Variants in VPS28 observed in about 807,000 individuals in gnomAD.
VPS28 encodes VPS28 subunit of ESCRT-I, also known as vacuolar protein sorting-associated protein 28 homolog.
In VPS28, 29 loss-of-function variants were observed where a neutral mutation model predicts 33.7. The observed-to-expected ratio is 0.86, with a 90% CI of 0.64 to 1.17. The LOEUF is 1.17. Among genes scored for constraint, VPS28 ranks in the 50% most tolerant of loss-of-function variants. The pLI, the probability that VPS28 is intolerant of heterozygous loss-of-function variation, is 0.00. For missense variants in VPS28, 247 were observed against 312.2 expected, an observed-to-expected ratio of 0.79 and a Z score of 1.57; for synonymous variants, 164 against 116.7, an observed-to-expected ratio of 1.40 and a Z score of -2.61.
intron 1 of VPS28, among the ~76,000 whole-genome samples, chr8:144,428,228 G>A (rs1554877365): frequency 6.6e-6 from 1 of 152,254 alleles, no homozygotes; most frequent in Non-Finnish European, 1.5e-5. Flanking sequence ...GAGCGCCGAG[G>A]AGCCAACCGC....
In VPS28 at chr8:144,424,971, A is replaced by G; in HGVS notation, c.275T>C (p.Ile92Thr). 2 of 1,565,822 alleles carry G rather than the reference A, an allele frequency of 1.3e-6. No individual in the cohort carries two copies. Among genetic ancestry groups the G allele is most frequent in the South Asian group, 1.2e-5 (1 of 86,110 alleles). Residue 92 changes from isoleucine (I) to threonine (T), a missense_variant, in exon 6 of 10, where the codon ATT (isoleucine) becomes ACT (threonine). Ile to Thr is a moderately conservative substitution (Grantham distance 89). Transcript: ENST00000292510. ...GCGGAACTTGCGGCAGAATTCGTCA[A>G]TAGAGCTGATTTCTGAGCCCTGGAC... The part of the protein sequence containing the change: ...RQVQGSEISS[I>T]DEFCRKFRLD...
intron 1 of VPS28, among the ~76,000 whole-genome samples, chr8:144,427,475 G>A (rs951688109): frequency 6.6e-6 from 1 of 152,176 alleles, no homozygotes; most frequent in Non-Finnish European, 1.5e-5. Flanking sequence ...GGAGAGCGGG[G>A]CGGGGGCTGC....
chr8:144,424,620 G>T, intron 7 of VPS28, 98 bp downstream of exon 7: 1 of 1,315,134 alleles, frequency 7.6e-7, no homozygotes, highest in South Asian at 1.2e-5. Flanking sequence ...AAGTCAGAGT[G>T]CTGCTCAGCT....
chr8:144,423,738 G>A lies in VPS28; in HGVS notation c.*67C>T. 1 of 1,591,664 alleles carries A rather than the reference G, an allele frequency of 6.3e-7. No homozygotes were observed. Among genetic ancestry groups the A allele is most frequent in the East Asian group, 2.2e-5 (1 of 44,466 alleles). ...TGTGTGGATGACCACGGCCTGTGTG[G>A]CGGACAGGGGACCAGGAGCCATCGC... On this transcript the variant is annotated 3_prime_UTR_variant, in exon 10 of 10. Coordinates refer to ENST00000292510, the MANE Select transcript of VPS28 (RefSeq NM_016208.4).
chr8:144,424,305 C>T lies in VPS28; in HGVS notation c.403-37G>A, dbSNP rs181512737. ...TGTGCACATGAGGCTCGCGTGTCCA[C>T]GGGTGCGGGAGGCCCCACGGCTCAC... On this transcript the variant is annotated intron_variant, in intron 7 of 9. Coordinates refer to ENST00000292510, the MANE Select transcript of VPS28 (RefSeq NM_016208.4). 709 of 1,554,264 alleles carry T rather than the reference C, an allele frequency of 4.6e-4. 3 individuals carry two copies. In the African/African-American group the frequency reaches 8.7e-3, roughly 19 times the overall value.
intron 7 of VPS28, 195 bp downstream of exon 7, chr8:144,424,520 TCCC>T: frequency 6.3e-6 from 5 of 789,374 alleles, no homozygotes; most frequent in Non-Finnish European, 9.9e-6. Context: ...CCTGTGCTCA[TCCC>T]CCCGACAGGA....
At chr8:144,425,919 G>A (rs1822705725) in intron 4 of VPS28, 107 bp downstream of exon 4, 1 of 1,483,438 alleles carries the variant, frequency 6.7e-7, no homozygotes, top group Non-Finnish European at 9.0e-7. Context: ...TCCCCAGACT[G>A]ACCCTGCGTC....
chr8:144,423,696 A>T lies in VPS28; in HGVS notation c.*109T>A. The T allele has an allele frequency of 1.4e-6, 2 of 1,381,624 alleles. No individual in the cohort carries two copies. Among genetic ancestry groups the T allele is most frequent in the Non-Finnish European group, 2.0e-6 (2 of 993,322 alleles). 85.6% of individuals were successfully genotyped at this position (1,381,624 alleles called of 1,614,324 possible). A position where few individuals can be genotyped will look rare whatever the true frequency, so the allele number is the denominator to read the frequency against. On this transcript the variant is annotated 3_prime_UTR_variant, in exon 10 of 10. Transcript: ENST00000292510. ...CACCAAAGACAGACACCAGACAGGCAGCTGCAGACAGTGAGTTGTGTGGAT... is the reference window on the plus strand; with the variant it reads ...CACCAAAGACAGACACCAGACAGGCTGCTGCAGACAGTGAGTTGTGTGGAT...
In VPS28 at chr8:144,425,587, G is replaced by A. The variant is rs377402031; in HGVS notation, c.194+96C>T. Reference sequence around the variant, plus strand: ...ACGCTGGGTGGGCCCCACACAAGTGGGTGCCTCCCAGCCTGACAGACGCCT... The same window carrying A: ...ACGCTGGGTGGGCCCCACACAAGTGAGTGCCTCCCAGCCTGACAGACGCCT... On this transcript the variant is annotated intron_variant, in intron 5 of 9. Coordinates refer to ENST00000292510, the MANE Select transcript of VPS28 (RefSeq NM_016208.4). 7.7e-4 allele frequency: 1,032 copies of A among 1,337,040 alleles called. 8 individuals are homozygous for A. The African/African-American group carries it at 0.012, about 15-fold the overall frequency. 82.8% of individuals were successfully genotyped at this position (1,337,040 alleles called of 1,614,324 possible).
intron 3 of VPS28, 48 bp from the exon 4 acceptor site, chr8:144,426,111 G>A: frequency 1.3e-6 from 2 of 1,568,542 alleles, no homozygotes; most frequent in Non-Finnish European, 1.7e-6. Context: ...AGGGGCTGCA[G>A]GACCCTGGTG....
chr8:144,424,159 C>T (rs1336792265), intron 8 of VPS28, 27 bp from the exon 9 acceptor site: 1 of 1,553,754 alleles, frequency 6.4e-7, no homozygotes, highest in African/African-American at 1.4e-5. Context: ...GGCTGGGACC[C>T]CGACGCCGGC....
intron 1 of VPS28, chr8:144,427,185 G>A: frequency 2.6e-6 from 1 of 385,068 alleles, no homozygotes; most frequent in South Asian, 2.5e-5. Context: ...TGTAATCCCA[G>A]CTACTCAGGA....
rs782726132 is a variant in VPS28, at chr8:144,423,796, G to A, written c.*9C>T. On this transcript the variant is annotated 3_prime_UTR_variant, in exon 10 of 10. Coordinates refer to ENST00000292510, the MANE Select transcript of VPS28 (RefSeq NM_016208.4). The stretch of plus-strand genomic sequence containing the variant: ...TCTGCCCTTCTGTGCAAGGGCTAGT[G>A]CCCCGGGCTCAGGCATGCAGGAAGC... 4.3e-6 allele frequency: 7 copies of A among 1,613,004 alleles called. No homozygotes were observed. Among genetic ancestry groups the A allele is most frequent in the African/African-American group, 4.0e-5 (3 of 74,952 alleles).
At chr8:144,425,089 G>A (rs1822642171) in intron 5 of VPS28, 38 bp from the exon 6 acceptor site, 7 of 1,526,204 alleles carry the variant, frequency 4.6e-6, no homozygotes, top group Non-Finnish European at 5.3e-6. Flanking sequence ...CATGGGACCA[G>A]CCCCACCCAG....
intron 5 of VPS28, chr8:144,425,385 G>GC (rs1184338555): frequency 2.0e-5 from 11 of 554,180 alleles, no homozygotes; most frequent in East Asian, 3.0e-5. Flanking sequence ...ATTGAACAAA[G>GC]CCCCCCCAAA....
chr8:144,427,882 C>A (rs1447060643), intron 1 of VPS28, among the ~76,000 whole-genome samples: 1 of 152,014 alleles, frequency 6.6e-6, no homozygotes, highest in Non-Finnish European at 1.5e-5. Flanking sequence ...GCCCAATGGG[C>A]CGGGCAGTAA....
chr8:144,425,285 C>T, intron 5 of VPS28: 1 of 594,308 alleles, frequency 1.7e-6, no homozygotes, highest in Non-Finnish European at 3.0e-6. Context: ...CCTGCCCACC[C>T]TCTGAACCAC....
rs190185812 is a variant in VPS28, at chr8:144,428,520, G to C, written c.-66C>G. On this transcript the variant is annotated 5_prime_UTR_variant, in exon 1 of 10. Coordinates refer to ENST00000292510, the MANE Select transcript of VPS28 (RefSeq NM_016208.4). ...GGCTCGCGGTCGGGAAGATGGCGCC[G>C]GGGGCGGGGTGCGCTCGGTCAGCGA... The C allele has an allele frequency of 0.042, 6,427 of 152,248 alleles. 146 individuals carry two copies. Among genetic ancestry groups the C allele is most frequent in the Non-Finnish European group, 0.053 (3,607 of 68,008 alleles). The allele number at this position is 152,248 out of a possible 1,614,324, so 9.4% of individuals were successfully genotyped here.
intron 6 of VPS28, 34 bp from the exon 7 acceptor site, chr8:144,424,853 G>C: frequency 6.2e-7 from 1 of 1,613,258 alleles, no homozygotes; most frequent in Non-Finnish European, 8.5e-7. Context: ...GGGGCTCTCA[G>C]GACAGCAAGC....
Sources: allele counts gnomAD v4.1 joint callset (sites outside exome capture counted in the v4.1 genomes callset), GRCh38; gene constraint gnomAD v4.1.1; transcripts MANE v1.5; gene names NCBI Gene and HGNC (gene_info 2026-07-23, HGNC 2026-07-21).